EPHB1: variants seen among roughly 807,000 people sequenced by gnomAD.
EPHB1 encodes the protein EPH receptor B1.
In EPHB1, 30 loss-of-function variants were observed where a neutral mutation model predicts 94.4. The ratio of observed to expected loss-of-function variants is 0.32; its 90% CI spans 0.24 to 0.43. EPHB1 has a LOEUF of 0.43. Ranked by LOEUF, EPHB1 falls within the 20% of genes least tolerant of loss-of-function variation. The pLI, the probability that EPHB1 is intolerant of heterozygous loss-of-function variation, is 1.00. For synonymous variants in EPHB1, 522 were observed against 489.1 expected, an observed-to-expected ratio of 1.07 and a Z score of -0.89; for missense variants, 1,055 against 1,308.3, an observed-to-expected ratio of 0.81 and a Z score of 2.99.
chr3:135,178,742 G>A (rs375871580), intron 9 of EPHB1, among the ~76,000 whole-genome samples: 7 of 152,146 alleles, frequency 4.6e-5, no homozygotes, highest in African/African-American at 1.7e-4. Flanking sequence ...CTCAGCCTTG[G>A]GCCCTAGTCA....
At chr3:134,894,888 T>C (rs1220962955) in intron 1 of EPHB1, among the ~76,000 whole-genome samples, 1 of 151,838 alleles carries the variant, frequency 6.6e-6, no homozygotes, top group Non-Finnish European at 1.5e-5. Flanking sequence ...TTCTGTGGTT[T>C]CTCTTTTCTC....
chr3:135,168,974 G>A (rs1165417764), intron 9 of EPHB1, among the ~76,000 whole-genome samples: 2 of 152,154 alleles, frequency 1.3e-5, no homozygotes, highest in Non-Finnish European at 2.9e-5. Context: ...CCTTGGCTGG[G>A]GTATAGAGGT....
At chr3:135,104,210 C>A (rs1939128281) in intron 3 of EPHB1, among the ~76,000 whole-genome samples, 1 of 152,040 alleles carries the variant, frequency 6.6e-6, no homozygotes, top group African/African-American at 2.4e-5. Flanking sequence ...GCCAGGAAGG[C>A]TGGGGATTTA....
chr3:135,255,461 C>T (rs1253599634), intron 15 of EPHB1, among the ~76,000 whole-genome samples: 4 of 142,786 alleles, frequency 2.8e-5, no homozygotes, highest in African/African-American at 7.8e-5. Context: ...TTTCTGCCTA[C>T]ATTTCGTTAT....
intron 3 of EPHB1, among the ~76,000 whole-genome samples, chr3:135,034,173 T>A (rs543247568): frequency 1.3e-5 from 2 of 152,290 alleles, no homozygotes; most frequent in South Asian, 4.1e-4. Flanking sequence ...TATTTAGGCA[T>A]TTGGGGACTT....
intron 8 of EPHB1, 62 bp from the exon 9 acceptor site, chr3:135,166,880 G>T (rs985004049): frequency 1.5e-5 from 23 of 1,582,978 alleles, no homozygotes; most frequent in Non-Finnish European, 1.9e-5. Context: ...CTAGATGGAG[G>T]TACCTGGAAC....
intron 3 of EPHB1, among the ~76,000 whole-genome samples, chr3:135,079,880 G>A (rs1559821687): frequency 6.6e-6 from 1 of 151,928 alleles, no homozygotes; most frequent in Non-Finnish European, 1.5e-5. Context: ...TAATGCATGG[G>A]GGCAACTGGA....
intron 3 of EPHB1, among the ~76,000 whole-genome samples, chr3:135,051,757 A>G (rs867734833): frequency 1.3e-5 from 2 of 152,188 alleles, no homozygotes; most frequent in African/African-American, 2.4e-5. Flanking sequence ...TTCACGTTCC[A>G]TGCCTCCTGT....
intron 4 of EPHB1, among the ~76,000 whole-genome samples, chr3:135,130,927 G>A (rs1940393289): frequency 6.6e-6 from 1 of 152,196 alleles, no homozygotes; most frequent in South Asian, 2.1e-4. Context: ...CTTGTGGTAT[G>A]AGTCCCATCA....
At chr3:135,135,422 C>T (rs181091451) in intron 5 of EPHB1, among the ~76,000 whole-genome samples, 86 of 152,142 alleles carry the variant, frequency 5.7e-4, no homozygotes, top group South Asian at 2.1e-4. Flanking sequence ...AACATTCAAA[C>T]CTGAACTTCT....
intron 2 of EPHB1, among the ~76,000 whole-genome samples, chr3:134,947,408 G>A (rs2039235579): frequency 6.6e-6 from 1 of 152,150 alleles, no homozygotes; most frequent in Non-Finnish European, 1.5e-5. Context: ...AACCCCTACA[G>A]AGCTTTCACT....
At chr3:134,963,710 G>A (rs1933620107) in intron 3 of EPHB1, among the ~76,000 whole-genome samples, 1 of 152,054 alleles carries the variant, frequency 6.6e-6, no homozygotes, top group Non-Finnish European at 1.5e-5. Flanking sequence ...GGTTCTGCTG[G>A]TAACCACTAT....
Position 134,922,246 on chromosome 3 carries a change from C to T in EPHB1, c.59-3570C>T, listed in dbSNP as rs572243191. On this transcript the variant is annotated intron_variant, in intron 1 of 15. Coordinates refer to ENST00000398015, the MANE Select transcript of EPHB1 (RefSeq NM_004441.5). ...TATGCTTTATAAATGCAAATGAGTGCGCTCTTCCTCTCCAGGGAGATGTAA... is the reference window on the plus strand; with the variant it reads ...TATGCTTTATAAATGCAAATGAGTGTGCTCTTCCTCTCCAGGGAGATGTAA... Among the ~76,000 whole-genome samples the T allele has an allele frequency of 7.2e-5, 11 of 152,322 alleles. No homozygotes were observed. The South Asian group carries it at 1.7e-3, about 23-fold the overall frequency.
At chr3:135,029,002 T>C (rs1411094691) in intron 3 of EPHB1, among the ~76,000 whole-genome samples, 1 of 137,340 alleles carries the variant, frequency 7.3e-6, no homozygotes, top group Non-Finnish European at 1.6e-5. Context: ...TCTCTTTTGA[T>C]CTTTGTTGGT....
intron 12 of EPHB1, among the ~76,000 whole-genome samples, chr3:135,235,678 T>C (rs1943634695): frequency 6.6e-6 from 1 of 152,216 alleles, no homozygotes; most frequent in Admixed American, 6.5e-5. Context: ...CTAGGCCTTC[T>C]GAGTAATCAA....
chr3:134,801,135 G>C (rs1380019230), intron 1 of EPHB1, among the ~76,000 whole-genome samples: 2 of 152,198 alleles, frequency 1.3e-5, no homozygotes, highest in Non-Finnish European at 2.9e-5. Flanking sequence ...CATGCAAGAA[G>C]AGATGAGCAA....
intron 3 of EPHB1, among the ~76,000 whole-genome samples, chr3:135,083,061 A>G (rs1162943219): frequency 6.6e-6 from 1 of 152,224 alleles, no homozygotes; most frequent in Non-Finnish European, 1.5e-5. Flanking sequence ...AGCCATGTCC[A>G]GCTGTGTTCA....
chr3:135,121,565 T>C (rs376646366), intron 4 of EPHB1, among the ~76,000 whole-genome samples: 28 of 152,258 alleles, frequency 1.8e-4, no homozygotes, highest in African/African-American at 6.7e-4. Flanking sequence ...AGCAAATGCC[T>C]TGGAGCCTGT....
At chr3:135,160,735 G>A (rs1941482065) in intron 6 of EPHB1, among the ~76,000 whole-genome samples, 1 of 152,216 alleles carries the variant, frequency 6.6e-6, no homozygotes, top group Non-Finnish European at 1.5e-5. Context: ...AGGTGCTGGG[G>A]TGAGGTGTGA....
Sources: allele counts gnomAD v4.1 joint callset (sites outside exome capture counted in the v4.1 genomes callset), GRCh38; gene constraint gnomAD v4.1.1; transcripts MANE v1.5; gene names NCBI Gene and HGNC (gene_info 2026-07-23, HGNC 2026-07-21).